Variants in GLRA3 observed in about 807,000 individuals in gnomAD.
GLRA3 encodes the protein glycine receptor alpha 3.
Under a neutral mutation model 60.4 loss-of-function variants are expected in GLRA3, and 44 were observed. The observed-to-expected ratio is 0.73, with a 90% CI of 0.57 to 0.94. GLRA3 has a LOEUF of 0.94. GLRA3 is among the 40% of genes least tolerant of loss of function. The pLI, the probability that GLRA3 is intolerant of heterozygous loss-of-function variation, is 0.00. For synonymous variants in GLRA3, 223 were observed against 192.9 expected, an observed-to-expected ratio of 1.16 and a Z score of -1.29; for missense variants, 508 against 564.6, an observed-to-expected ratio of 0.90 and a Z score of 1.02.
intron 5 of GLRA3, among the ~76,000 whole-genome samples, chr4:174,699,487 T>C (rs1360826462): frequency 6.6e-6 from 1 of 152,130 alleles, no homozygotes; most frequent in Non-Finnish European, 1.5e-5. Flanking sequence ...CAGTATTCTG[T>C]TGCACCTTAA....
At chr4:174,787,711 A>G (rs1343772474) in intron 2 of GLRA3, among the ~76,000 whole-genome samples, 1 of 151,746 alleles carries the variant, frequency 6.6e-6, no homozygotes, top group Admixed American at 6.6e-5. Context: ...AAGCTGTGCT[A>G]TTTTTGCACA....
At chr4:174,803,997 T>A (rs781108780) in intron 1 of GLRA3, among the ~76,000 whole-genome samples, 1 of 152,166 alleles carries the variant, frequency 6.6e-6, no homozygotes, top group Non-Finnish European at 1.5e-5. Context: ...ATTCATGACA[T>A]TTGGTTTTTT....
In GLRA3 at chr4:174,763,196, C is replaced by A. The variant is rs961115528; in HGVS notation, c.267+3767G>T. Reference sequence around the variant, plus strand: ...GCACTCAGGTCACAAAGCTCCTGCTCCAGGAACTGTCTGGCAAGCCAGGCT... The same window carrying A: ...GCACTCAGGTCACAAAGCTCCTGCTACAGGAACTGTCTGGCAAGCCAGGCT... On this transcript the variant is annotated intron_variant, in intron 3 of 9. Transcript: ENST00000274093. 3.9e-5 allele frequency among the ~76,000 whole-genome samples: 6 copies of A among 152,262 alleles called. 1 individual carries two copies. The South Asian group carries it at 8.3e-4, about 21-fold the overall frequency.
Position 174,666,749 on chromosome 4 carries a change from TATATATATATTA to T in GLRA3, c.928-7564_928-7553del, listed in dbSNP as rs1427527860. ...TGCATCTCAAATAAGAATATATATA[TATATATATATTA>T]TATATATATATATATATATAATTGG... On this transcript the variant is annotated intron_variant, in intron 7 of 9. Coordinates refer to ENST00000274093, the MANE Select transcript of GLRA3 (RefSeq NM_006529.4). Among the ~76,000 whole-genome samples, 4 of 84,636 alleles carry T rather than the reference TATATATATATTA, an allele frequency of 4.7e-5. No homozygotes were observed. In the East Asian group the frequency reaches 1.2e-3, roughly 26 times the overall value. The allele number at this position is 84,636 out of a possible 152,430, so 55.5% of individuals were successfully genotyped here. A position where few individuals can be genotyped will look rare whatever the true frequency, so the allele number is the denominator to read the frequency against.
intron 2 of GLRA3, among the ~76,000 whole-genome samples, chr4:174,767,291 C>T (rs961488349): frequency 6.6e-6 from 1 of 152,040 alleles, no homozygotes; most frequent in African/African-American, 2.4e-5. Context: ...TCTCTAATGG[C>T]TCTGTAATGC....
In GLRA3 at chr4:174,641,656, T is replaced by G. The variant is rs1169255086; in HGVS notation, c.*2130A>C. The G allele has an allele frequency of 6.6e-6, 1 of 152,074 alleles. No individual in the cohort carries two copies. The highest frequency in any genetic ancestry group is 6.6e-5 in the Admixed American group (1 of 15,250). 9.4% of individuals were successfully genotyped at this position (152,074 alleles called of 1,614,324 possible). A position where few individuals can be genotyped will look rare whatever the true frequency, so the allele number is the denominator to read the frequency against. On this transcript the variant is annotated 3_prime_UTR_variant, in exon 10 of 10. Transcript: ENST00000274093. ...GTTTCTGATTTAACAAAGACACATTTATAATATTCTCAAATATGGAAAGAA... is the reference window on the plus strand; with the variant it reads ...GTTTCTGATTTAACAAAGACACATTGATAATATTCTCAAATATGGAAAGAA...
intron 1 of GLRA3, among the ~76,000 whole-genome samples, chr4:174,824,413 T>C (rs1238502201): frequency 1.3e-5 from 2 of 152,196 alleles, no homozygotes; most frequent in Admixed American, 1.3e-4. Flanking sequence ...ATATTTTGAG[T>C]CAAGTTATAA....
At chr4:174,817,674 C>A (rs1443666470) in intron 1 of GLRA3, among the ~76,000 whole-genome samples, 1 of 152,148 alleles carries the variant, frequency 6.6e-6, no homozygotes, top group Non-Finnish European at 1.5e-5. Flanking sequence ...GTGTCACTAT[C>A]TCGGCTCACT....
chr4:174,702,676 T>A (rs1735368407), intron 5 of GLRA3, among the ~76,000 whole-genome samples: 1 of 152,210 alleles, frequency 6.6e-6, no homozygotes, highest in Non-Finnish European at 1.5e-5. Flanking sequence ...CAAGTGGTCC[T>A]TTCACCTCAG....
chr4:174,663,751 C>A (rs1188030960), intron 7 of GLRA3, among the ~76,000 whole-genome samples: 1 of 152,152 alleles, frequency 6.6e-6, no homozygotes, highest in Non-Finnish European at 1.5e-5. Context: ...GCAGTTCTTA[C>A]TTCAATGCAT....
In GLRA3 at chr4:174,782,466, A is replaced by G. The variant is rs1199398259; in HGVS notation, c.199+6350T>C. ...CAACATAGTGTTGGAAGTTCTGGCC[A>G]GGGAAATTAGGCAGGAGAAGGAAAT... is the stretch of plus-strand genomic sequence containing the variant. On this transcript the variant is annotated intron_variant, in intron 2 of 9. Coordinates refer to ENST00000274093, the MANE Select transcript of GLRA3 (RefSeq NM_006529.4). Among the ~76,000 whole-genome samples the G allele has an allele frequency of 3.0e-3, 451 of 148,308 alleles. 3 individuals carry two copies. Among genetic ancestry groups the G allele is most frequent in the African/African-American group, 0.01 (417 of 40,716 alleles).
In GLRA3 at chr4:174,726,310, T is replaced by A. The variant is rs141986239; in HGVS notation, c.491+2165A>T. On this transcript the variant is annotated intron_variant, in intron 4 of 9. Transcript: ENST00000274093. ...TGGGGCATGAAAATCCAGTTCATTA[T>A]TTGTCCTTTCCTGACACTATCTTGA... 9.2e-5 allele frequency among the ~76,000 whole-genome samples: 14 copies of A among 152,266 alleles called. No individual in the cohort carries two copies. The East Asian group carries it at 2.5e-3, about 27-fold the overall frequency.
At chr4:174,667,383 A>T (rs892172878) in intron 7 of GLRA3, among the ~76,000 whole-genome samples, 13 of 152,154 alleles carry the variant, frequency 8.5e-5, no homozygotes, top group Admixed American at 7.2e-4. Context: ...GTGGATTATG[A>T]TCTGATCACT....
intron 4 of GLRA3, among the ~76,000 whole-genome samples, chr4:174,719,253 G>T (rs964433831): frequency 1.3e-5 from 2 of 152,004 alleles, no homozygotes; most frequent in East Asian, 1.9e-4. Flanking sequence ...GTGAGCCACC[G>T]CGCCCGGCCT....
At chr4:174,703,392 A>G (rs1347096459) in intron 5 of GLRA3, among the ~76,000 whole-genome samples, 4 of 152,198 alleles carry the variant, frequency 2.6e-5, no homozygotes, top group Non-Finnish European at 5.9e-5. Flanking sequence ...CTCATTTATT[A>G]ATGTAAATGC....
chr4:174,813,816 C>T (rs886134950), intron 1 of GLRA3, among the ~76,000 whole-genome samples: 20 of 152,262 alleles, frequency 1.3e-4, no homozygotes, highest in South Asian at 8.3e-4. Context: ...TTCTGTATCC[C>T]TCTTGTCTCT....
At chr4:174,713,580 T>C (rs1157162081) in intron 5 of GLRA3, 1 of 152,256 alleles carries the variant, frequency 6.6e-6, no homozygotes, top group Non-Finnish European at 1.5e-5. Flanking sequence ...AATTGCTTTT[T>C]TCAAGTACCT....
Position 174,692,268 on chromosome 4 carries a change from G to T in GLRA3, c.575-9329C>A, listed in dbSNP as rs1484542423. On this transcript the variant is annotated intron_variant, in intron 5 of 9. Coordinates refer to ENST00000274093, the MANE Select transcript of GLRA3 (RefSeq NM_006529.4). The stretch of plus-strand genomic sequence containing the variant: ...AGCCGCCCCATCCGCGAGGGAGGTG[G>T]GGGGGTCAGCACCCCACCCGGCCAG... Among the ~76,000 whole-genome samples the T allele has an allele frequency of 4.8e-4, 69 of 142,452 alleles. 1 individual carries two copies. Among genetic ancestry groups the T allele is most frequent in the African/African-American group, 1.7e-3 (64 of 37,786 alleles). 93.5% of individuals were successfully genotyped at this position (142,452 alleles called of 152,430 possible). A position where few individuals can be genotyped will look rare whatever the true frequency, so the allele number is the denominator to read the frequency against.
At chr4:174,791,653 G>C (rs1739349784) in intron 1 of GLRA3, among the ~76,000 whole-genome samples, 1 of 152,042 alleles carries the variant, frequency 6.6e-6, no homozygotes. Flanking sequence ...GCTTAAAATA[G>C]TTGATTTGAA....
Sources: gnomAD v4.1 joint callset for allele counts (sites outside exome capture counted in the v4.1 genomes callset) on GRCh38, gnomAD v4.1.1 for gene constraint, MANE v1.5 for transcripts, NCBI Gene and HGNC (gene_info 2026-07-23, HGNC 2026-07-21) for gene names.